MACROH2A2: variants seen among roughly 807,000 people sequenced by gnomAD.
MACROH2A2 encodes macroH2A.2 histone.
Under a neutral mutation model 37.6 loss-of-function variants are expected in MACROH2A2, and 6 were observed. The observed-to-expected ratio is 0.16, with a 90% confidence interval of 0.09 to 0.32. The LOEUF (loss-of-function observed/expected upper bound fraction) is 0.32, where lower values mean the gene tolerates loss of function less well. Ranked by LOEUF, MACROH2A2 falls within the 10% of genes least tolerant of loss-of-function variation. The pLI is 1.00. For missense variants in MACROH2A2, 290 were observed against 485.9 expected (o/e 0.60, Z 3.79); for synonymous variants, 192 against 202.7 (o/e 0.95, Z 0.45).
intron 2 of MACROH2A2, among the ~76,000 whole-genome samples, chr10:70,086,055 G>A (rs2072209333): frequency 6.6e-6 from 1 of 151,480 alleles, no homozygotes; most frequent in African/African-American, 2.4e-5. Flanking sequence ...GGAGTGCAGT[G>A]GCACTATCAC....
intron 7 of MACROH2A2, among the ~76,000 whole-genome samples, chr10:70,103,207 T>A (rs2072316891): frequency 6.6e-6 from 1 of 151,792 alleles, no homozygotes; most frequent in Non-Finnish European, 1.5e-5. Context: ...CTCTACCACA[T>A]CCCCGATATA....
chr10:70,090,324 T>C (rs1446345061), intron 3 of MACROH2A2, among the ~76,000 whole-genome samples, 158 bp downstream of exon 3: 1 of 152,272 alleles, frequency 6.6e-6, no homozygotes, highest in Non-Finnish European at 1.5e-5. Flanking sequence ...CTAGCTCTTA[T>C]CATTCAGATT....
At chr10:70,056,027 G>A (rs2072014013) in intron 1 of MACROH2A2, among the ~76,000 whole-genome samples, 1 of 152,092 alleles carries the variant, frequency 6.6e-6, no homozygotes, top group African/African-American at 2.4e-5. Flanking sequence ...GCAAATTGCA[G>A]AACAGTACAT....
rs114155582 is a variant in MACROH2A2 at position 70,095,729 on chromosome 10, G to A, written c.664G>A (p.Glu222Lys). 9 of 1,578,808 alleles carry A rather than the reference G, an allele frequency of 5.7e-6. No individual in the cohort carries two copies. Among genetic ancestry groups the A allele is most frequent in the African/African-American group, 1.3e-5 (1 of 74,330 alleles). The change falls in exon 6 of 9, where the codon GAA becomes AAA. Residue 222 changes from glutamate (E) to lysine (K), a missense_variant. Glu to Lys is a moderately conservative substitution (Grantham distance 56, BLOSUM62 1). Coordinates refer to ENST00000373255, the MANE Select transcript of MACROH2A2 (RefSeq NM_018649.3). ...GGGCATTGTCCACCCAACCACAGCCGAAATTGACCTCAAAGAAGATATAGG... is the reference window on the plus strand; with the variant it reads ...GGGCATTGTCCACCCAACCACAGCCAAAATTGACCTCAAAGAAGATATAGG... ...VEGIVHPTTAEIDLKEDIGKA... is the reference protein window; with the variant it reads ...VEGIVHPTTAKIDLKEDIGKA...
At chr10:70,109,800 G>T (rs1267457682) in intron 8 of MACROH2A2, among the ~76,000 whole-genome samples, 1 of 152,170 alleles carries the variant, frequency 6.6e-6, no homozygotes, top group Admixed American at 6.5e-5. Flanking sequence ...TTGCTGAAAA[G>T]GAGACTGGGC....
At chr10:70,085,746 C>T (rs1214084042) in intron 2 of MACROH2A2, among the ~76,000 whole-genome samples, 1 of 152,142 alleles carries the variant, frequency 6.6e-6, no homozygotes, top group Non-Finnish European at 1.5e-5. Context: ...AGGGATTTGC[C>T]ATAGAAGTCC....
At chr10:70,090,211 A>C (rs2072236335) in intron 3 of MACROH2A2, 45 bp downstream of exon 3, 1 of 1,269,742 alleles carries the variant, frequency 7.9e-7, no homozygotes, top group Admixed American at 1.7e-5. Flanking sequence ...GGTTTGCCAA[A>C]CATGCTAATG....
chr10:70,105,966 G>C (rs767291921), intron 7 of MACROH2A2, among the ~76,000 whole-genome samples: 1 of 152,200 alleles, frequency 6.6e-6, no homozygotes, highest in African/African-American at 2.4e-5. Flanking sequence ...CTGCTTAGGA[G>C]GTGGGGCTGC....
At chr10:70,109,266 C>T (rs1014093009) in intron 8 of MACROH2A2, 59 bp downstream of exon 8, 41 of 1,410,704 alleles carry the variant, frequency 2.9e-5, no homozygotes, top group Non-Finnish European at 3.8e-5. Flanking sequence ...ATCAGCTGCT[C>T]CCCCACTTAC....
At chr10:70,059,498 G>A (rs2072038771) in intron 1 of MACROH2A2, among the ~76,000 whole-genome samples, 1 of 151,590 alleles carries the variant, frequency 6.6e-6, no homozygotes, top group Non-Finnish European at 1.5e-5. Flanking sequence ...AACCTCCTAA[G>A]TAGCTGGGAT....
rs41277966 is a variant in MACROH2A2, at chr10:70,109,157, G to A, written c.903G>A (p.Ala301=). ...EETIKNCLSA[A]EDKKLKSVAF... is the part of the protein sequence containing the mutation. ...CCATCAAAAACTGCCTGTCAGCGGC[G>A]GAGGACAAGAAGCTAAAGTCCGTCG... The change falls in exon 8 of 9, where the codon GCG becomes GCA. Residue 301 remains alanine, a synonymous_variant. Coordinates refer to ENST00000373255, the MANE Select transcript of MACROH2A2 (RefSeq NM_018649.3). 555 of 1,614,154 alleles carry A rather than the reference G, an allele frequency of 3.4e-4. No individual in the cohort carries two copies. The highest frequency in any genetic ancestry group is 8.3e-4 in the Admixed American group (50 of 60,026).
At chr10:70,093,622 T>A in intron 4 of MACROH2A2, 113 bp from the exon 5 acceptor site, 1 of 637,738 alleles carries the variant, frequency 1.6e-6, no homozygotes, top group Non-Finnish European at 2.9e-6. Context: ...ACACATCACC[T>A]AACCACTTCC....
At chr10:70,085,774 TATG>T (rs1013579891) in intron 2 of MACROH2A2, among the ~76,000 whole-genome samples, 2 of 152,182 alleles carry the variant, frequency 1.3e-5, no homozygotes, top group Non-Finnish European at 2.9e-5. Context: ...TTAACAGAAT[TATG>T]ATCTTCCCAC....
At chr10:70,071,078 A>AGT (rs148158268) in intron 1 of MACROH2A2, among the ~76,000 whole-genome samples, 13,109 of 146,454 alleles carry the variant, frequency 0.09, 607 homozygotes, top group Non-Finnish European at 0.11. Context: ...CATGTGCATG[A>AGT]GTGTGTGTGT....
At chr10:70,084,756 C>T (rs1169565312) in intron 2 of MACROH2A2, among the ~76,000 whole-genome samples, 1 of 152,080 alleles carries the variant, frequency 6.6e-6, no homozygotes, top group Non-Finnish European at 1.5e-5. Context: ...CACATACCAC[C>T]AAGCCTGCCT....
chr10:70,111,131 T>C (rs2072370531), intron 8 of MACROH2A2, among the ~76,000 whole-genome samples: 1 of 151,972 alleles, frequency 6.6e-6, no homozygotes, highest in Non-Finnish European at 1.5e-5. Context: ...TAGCCAGGCA[T>C]GATGGTGCGC....
chr10:70,098,486 A>T (rs1564546896), intron 6 of MACROH2A2: 1 of 152,150 alleles, frequency 6.6e-6, no homozygotes, highest in Non-Finnish European at 1.5e-5. Flanking sequence ...CAGTTGGTTG[A>T]TGAGTCTCTT....
chr10:70,101,294 A>C (rs564380357), intron 7 of MACROH2A2, among the ~76,000 whole-genome samples: 1 of 152,290 alleles, frequency 6.6e-6, no homozygotes, highest in South Asian at 2.1e-4. Flanking sequence ...AAGCATTTGG[A>C]ACATATTCTG....
intron 6 of MACROH2A2, among the ~76,000 whole-genome samples, chr10:70,096,556 T>C (rs972130443): frequency 4.6e-5 from 7 of 152,154 alleles, no homozygotes; most frequent in African/African-American, 1.7e-4. Flanking sequence ...GAGCTGTTAA[T>C]AGCCAGGGTG....
Sources: allele counts gnomAD v4.1 joint callset (sites outside exome capture counted in the v4.1 genomes callset), GRCh38; gene constraint gnomAD v4.1.1; transcripts MANE v1.5; gene names NCBI Gene and HGNC (gene_info 2026-07-23, HGNC 2026-07-21).